Variants in AUTS2 observed in about 807,000 individuals in gnomAD.
The protein encoded by AUTS2 is autism susceptibility gene 2 protein.
A neutral mutation model predicts 112.4 loss-of-function variants in AUTS2; 17 were observed. That is an observed-to-expected ratio of 0.15 (90% CI 0.10 to 0.23). AUTS2 has a LOEUF of 0.23. AUTS2 is among the 10% of genes least tolerant of loss of function. The pLI, the probability that AUTS2 is intolerant of heterozygous loss-of-function variation, is 1.00. For synonymous variants in AUTS2, 751 were observed against 702.7 expected (o/e 1.07, Z -1.09); for missense variants, 1,510 against 1,701.6 (o/e 0.89, Z 1.98).
At chr7:70,255,074 C>T (rs1044538328) in intron 4 of AUTS2, among the ~76,000 whole-genome samples, 1 of 129,660 alleles carries the variant, frequency 7.7e-6, no homozygotes, top group East Asian at 2.3e-4. Flanking sequence ...TCAAAATTAC[C>T]TTTTTTTTTT....
intron 4 of AUTS2, among the ~76,000 whole-genome samples, chr7:70,229,377 G>A (rs1811929808): frequency 6.6e-6 from 1 of 152,084 alleles, no homozygotes; most frequent in South Asian, 2.1e-4. Flanking sequence ...TTGAGCACTT[G>A]AAGACATCCT....
chr7:69,683,780 A>AC (rs1796929749), intron 1 of AUTS2, among the ~76,000 whole-genome samples: 1 of 151,874 alleles, frequency 6.6e-6, no homozygotes, highest in South Asian at 2.1e-4. Context: ...GCATGGTAGT[A>AC]CACGCCTATA....
At chr7:69,661,843 A>G (rs1204215931) in intron 1 of AUTS2, among the ~76,000 whole-genome samples, 1 of 152,120 alleles carries the variant, frequency 6.6e-6, no homozygotes, top group Non-Finnish European at 1.5e-5. Flanking sequence ...TGTCTTTGCT[A>G]TTTATTTATC....
At chr7:69,682,497 A>G (rs1395443894) in intron 1 of AUTS2, among the ~76,000 whole-genome samples, 6 of 152,234 alleles carry the variant, frequency 3.9e-5, no homozygotes, top group Non-Finnish European at 7.3e-5. Flanking sequence ...TCCTGGTGGT[A>G]TGAAAACACT....
chr7:70,631,822 A>C lies in AUTS2; in HGVS notation c.691-66747A>C, dbSNP rs1805277715. 6.6e-6 allele frequency among the ~76,000 whole-genome samples: 1 copy of C among 152,042 alleles called. No homozygotes were observed. Among genetic ancestry groups the C allele is most frequent in the Non-Finnish European group, 1.5e-5 (1 of 68,002 alleles). ...TCCAGCCCCGCGCCCGTGTGTGCTAACTTGCTAGGGGGCAGGGCGCACTCT... is the reference window on the plus strand; with the variant it reads ...TCCAGCCCCGCGCCCGTGTGTGCTACCTTGCTAGGGGGCAGGGCGCACTCT... On this transcript the variant is annotated intron_variant, in intron 5 of 18. Coordinates refer to ENST00000342771, the MANE Select transcript of AUTS2 (RefSeq NM_015570.4). The surrounding 1 kb of genome is among the most constrained non-coding windows in gnomAD (Gnocchi z 4.5).
intron 4 of AUTS2, among the ~76,000 whole-genome samples, chr7:70,409,654 G>A (rs1362541659): frequency 1.3e-5 from 2 of 152,150 alleles, no homozygotes; most frequent in South Asian, 2.1e-4. Context: ...CCGTAAAAAC[G>A]CAACTGTTAA....
At chr7:70,661,425 C>T (rs1190555429) in intron 5 of AUTS2, among the ~76,000 whole-genome samples, 3 of 152,164 alleles carry the variant, frequency 2.0e-5, no homozygotes, top group Non-Finnish European at 4.4e-5. Context: ...TAGTCGCTCC[C>T]TGTGGCAGGT....
At chr7:70,281,404 C>T (rs1323793508) in intron 4 of AUTS2, among the ~76,000 whole-genome samples, 1 of 152,050 alleles carries the variant, frequency 6.6e-6, no homozygotes, top group Non-Finnish European at 1.5e-5. Context: ...ACAGCTTGGC[C>T]CAGTGGAGGT....
chr7:70,310,436 C>T (rs1435077083), intron 4 of AUTS2, among the ~76,000 whole-genome samples: 1 of 151,926 alleles, frequency 6.6e-6, no homozygotes, highest in African/African-American at 2.4e-5. Context: ...TGGTGAAACC[C>T]CGTCTCTACT....
At chr7:70,317,657 G>A (rs975141823) in intron 4 of AUTS2, among the ~76,000 whole-genome samples, 19 of 152,310 alleles carry the variant, frequency 1.2e-4, no homozygotes, top group African/African-American at 4.6e-4. Context: ...TGACAAGCAT[G>A]AGTGGGCACA....
intron 5 of AUTS2, among the ~76,000 whole-genome samples, chr7:70,682,314 T>G (rs779508217): frequency 7.2e-5 from 11 of 152,184 alleles, no homozygotes; most frequent in Non-Finnish European, 1.6e-4. Flanking sequence ...AAAGAAGGGA[T>G]TACTAAAGAC....
intron 4 of AUTS2, among the ~76,000 whole-genome samples, chr7:70,339,765 T>C (rs939944165): frequency 1.4e-4 from 21 of 152,154 alleles, no homozygotes; most frequent in African/African-American, 4.6e-4. Flanking sequence ...GGGCCTGGAT[T>C]TTTTTGGTTC....
At chr7:69,953,505 T>C (rs1256352283) in intron 2 of AUTS2, among the ~76,000 whole-genome samples, 4 of 152,184 alleles carry the variant, frequency 2.6e-5, no homozygotes, top group African/African-American at 9.7e-5. Flanking sequence ...CCTGTTTTTC[T>C]GAAGGTTTGT....
intron 5 of AUTS2, among the ~76,000 whole-genome samples, chr7:70,556,408 C>G (rs1051563623): frequency 2.0e-5 from 3 of 152,180 alleles, no homozygotes; most frequent in African/African-American, 7.2e-5. Flanking sequence ...TGACATCTGC[C>G]TATCTTGCAG....
chr7:69,914,006 C>T (rs531602172), intron 2 of AUTS2, among the ~76,000 whole-genome samples: 42 of 152,232 alleles, frequency 2.8e-4, no homozygotes, highest in Non-Finnish European at 3.1e-4. Flanking sequence ...GGGCTTTTCT[C>T]GACCATATGG....
At chr7:69,806,094 C>T (rs1468382336) in intron 1 of AUTS2, among the ~76,000 whole-genome samples, 3 of 149,818 alleles carry the variant, frequency 2.0e-5, no homozygotes, top group South Asian at 2.1e-4. Context: ...GAGACACACA[C>T]GGTCTTGGTC....
intron 1 of AUTS2, among the ~76,000 whole-genome samples, chr7:69,705,484 A>T (rs1798025068): frequency 6.6e-6 from 1 of 152,184 alleles, no homozygotes; most frequent in South Asian, 2.1e-4. Flanking sequence ...TTGTGATTTG[A>T]CCAAGTTCAA....
intron 6 of AUTS2, among the ~76,000 whole-genome samples, chr7:70,751,263 G>T (rs1788826072): frequency 6.6e-6 from 1 of 152,198 alleles, no homozygotes; most frequent in African/African-American, 2.4e-5. Flanking sequence ...GCGGTAGGAA[G>T]GAAGGTGTCA....
intron 4 of AUTS2, among the ~76,000 whole-genome samples, chr7:70,245,119 C>CA (rs61068581): frequency 2.1e-3 from 139 of 64,882 alleles, no homozygotes; most frequent in Admixed American, 1.0e-2. Flanking sequence ...GATCCTGCCT[C>CA]AAAAAAAAAA....
Sources: gnomAD v4.1 joint callset for allele counts (sites outside exome capture counted in the v4.1 genomes callset) on GRCh38, gnomAD v4.1.1 for gene constraint, Gnocchi (gnomAD v3.1) non-coding constraint, MANE v1.5 for transcripts, NCBI Gene and HGNC (gene_info 2026-07-23, HGNC 2026-07-21) for gene names.